CCND3: variants seen among roughly 807,000 people sequenced by gnomAD.
CCND3 encodes the protein G1/S-specific cyclin-D3.
In CCND3, 9 loss-of-function variants were observed where a neutral mutation model predicts 28.7. The ratio of observed to expected loss-of-function variants is 0.31; its 90% CI spans 0.19 to 0.55. The LOEUF is 0.55. CCND3 is among the 20% of genes least tolerant of loss of function. The probability of loss-of-function intolerance (pLI) is 0.93; values close to 1 mark genes in which losing one functional copy is unlikely to be tolerated. For missense variants in CCND3, 315 were observed against 385.8 expected (o/e 0.82, Z 1.54); for synonymous variants, 164 against 163.9 (o/e 1.00, Z 0.00).
intron 1 of CCND3, among the ~76,000 whole-genome samples, chr6:41,956,309 A>ATAAAG (rs1171484539): frequency 6.6e-6 from 1 of 152,192 alleles, no homozygotes; most frequent in Non-Finnish European, 1.5e-5. Flanking sequence ...ATAAAATAAA[A>ATAAAG]TAAAATAAAT....
chr6:41,970,583 C>T (rs181155346), intron 1 of CCND3, among the ~76,000 whole-genome samples: 12 of 152,242 alleles, frequency 7.9e-5, no homozygotes, highest in African/African-American at 2.4e-4. Context: ...TTAACAACCT[C>T]ACTTCCTCTC....
intron 1 of CCND3, among the ~76,000 whole-genome samples, chr6:41,976,262 G>T (rs1005404803): frequency 4.6e-5 from 7 of 152,024 alleles, no homozygotes; most frequent in Non-Finnish European, 1.0e-4. Flanking sequence ...TGAGGCAGAA[G>T]AATCGCTTGA....
chr6:41,965,403 A>ACGCC (rs1017141143), intron 1 of CCND3, among the ~76,000 whole-genome samples: 21 of 152,006 alleles, frequency 1.4e-4, no homozygotes, highest in Non-Finnish European at 2.2e-4. Context: ...AGCCAGTAAG[A>ACGCC]CGCCCAGCTA....
intron 1 of CCND3, among the ~76,000 whole-genome samples, chr6:41,956,710 T>A (rs1776444845): frequency 6.6e-6 from 1 of 152,108 alleles, no homozygotes. Context: ...TTCTGGCCCT[T>A]AAGATAGCCC....
At chr6:42,001,560 T>C (rs1763013033) in intron 1 of CCND3, among the ~76,000 whole-genome samples, 1 of 152,022 alleles carries the variant, frequency 6.6e-6, no homozygotes, top group African/African-American at 2.4e-5. Flanking sequence ...TAAACTCTGG[T>C]GATAAAAAAG....
At chr6:41,993,610 G>A (rs1441891770) in intron 1 of CCND3, among the ~76,000 whole-genome samples, 1 of 151,498 alleles carries the variant, frequency 6.6e-6, no homozygotes, top group Non-Finnish European at 1.5e-5. Flanking sequence ...GGGGTTTCAC[G>A]ATTTGGCCAG....
chr6:42,031,936 C>A (rs372662500), intron 1 of CCND3, among the ~76,000 whole-genome samples: 3 of 151,562 alleles, frequency 2.0e-5, no homozygotes, highest in Non-Finnish European at 4.4e-5. Context: ...ATTACAGGCA[C>A]GCATCATCAC....
At chr6:41,997,822 G>C (rs1762854639) in intron 1 of CCND3, among the ~76,000 whole-genome samples, 1 of 151,788 alleles carries the variant, frequency 6.6e-6, no homozygotes, top group South Asian at 2.1e-4. Context: ...TCATCTCTAA[G>C]GTCCATTCCC....
intron 1 of CCND3, among the ~76,000 whole-genome samples, chr6:42,027,834 G>A (rs1259965995): frequency 2.6e-5 from 4 of 151,952 alleles, no homozygotes; most frequent in African/African-American, 7.3e-5. Flanking sequence ...GGCAACCTCC[G>A]CCTCCTGGGT....
intron 1 of CCND3, among the ~76,000 whole-genome samples, chr6:41,999,419 T>G (rs1172095795): frequency 6.6e-6 from 1 of 151,820 alleles, no homozygotes; most frequent in Non-Finnish European, 1.5e-5. Context: ...CGGCTAATTT[T>G]TGTATTTTCA....
At position 41,936,514 on chromosome 6, in the gene CCND3, T is replaced by A; in HGVS notation, c.711+45A>T. The A allele has an allele frequency of 6.2e-7, 1 of 1,609,310 alleles. No individual in the cohort carries two copies. The highest frequency in any genetic ancestry group is 8.5e-7 in the Non-Finnish European group (1 of 1,177,106). ...CTACTGGAGGCTCAGGGCATAGCAC[T>A]ACTTTATGAATGGAGAGGCTGCTGC... is the stretch of plus-strand genomic sequence containing the variant. On this transcript the variant is annotated intron_variant, in intron 4 of 4. Transcript: ENST00000372991. This position sits in a 1 kb window ranked among gnomAD's most constrained non-coding sequence, Gnocchi z 4.4.
intron 1 of CCND3, among the ~76,000 whole-genome samples, chr6:42,017,022 C>T (rs952933371): frequency 3.3e-5 from 5 of 152,182 alleles, no homozygotes; most frequent in African/African-American, 7.2e-5. Flanking sequence ...AGAGGAGTGA[C>T]GTCTGAAGGG....
At chr6:41,970,596 T>C (rs1423475326) in intron 1 of CCND3, among the ~76,000 whole-genome samples, 1 of 152,050 alleles carries the variant, frequency 6.6e-6, no homozygotes, top group African/African-American at 2.4e-5. Flanking sequence ...TTCCTCTCAA[T>C]CTCCCATCCC....
intron 1 of CCND3, chr6:42,018,402 C>G (rs1342745495): frequency 6.6e-6 from 1 of 151,872 alleles, no homozygotes; most frequent in African/African-American, 2.4e-5. Flanking sequence ...ACCGTGTTAG[C>G]CAGGAAAAAA....
chr6:41,994,101 G>A (rs1762730784), intron 1 of CCND3, among the ~76,000 whole-genome samples: 1 of 150,176 alleles, frequency 6.7e-6, no homozygotes. Flanking sequence ...ACAATGGACT[G>A]CATATATGAC....
chr6:41,940,705 TAGAG>T (rs906210637), intron 1 of CCND3, 120 bp from the exon 2 acceptor site: 6 of 778,830 alleles, frequency 7.7e-6, no homozygotes, highest in Middle Eastern at 2.3e-4. Context: ...GTAAGCTACT[TAGAG>T]AGACAAGGAC....
At chr6:41,955,511 A>G (rs1582104305) in intron 1 of CCND3, among the ~76,000 whole-genome samples, 1 of 102,554 alleles carries the variant, frequency 9.8e-6, no homozygotes, top group African/African-American at 2.7e-5. Flanking sequence ...CATTCATAAG[A>G]AAAAACTCTT....
intron 1 of CCND3, among the ~76,000 whole-genome samples, chr6:42,007,031 T>C (rs796296651): frequency 3.3e-5 from 5 of 152,238 alleles, no homozygotes; most frequent in African/African-American, 1.2e-4. Flanking sequence ...ATATAACTGG[T>C]GACATATTTC....
At chr6:42,014,713 C>G (rs10948003) in intron 1 of CCND3, among the ~76,000 whole-genome samples, 2 of 151,866 alleles carry the variant, frequency 1.3e-5, no homozygotes, top group Non-Finnish European at 2.9e-5. Flanking sequence ...GCCTGAGCCC[C>G]GAAGTTTGAG....
Sources: allele counts gnomAD v4.1 joint callset (sites outside exome capture counted in the v4.1 genomes callset), GRCh38; gene constraint gnomAD v4.1.1; non-coding constraint Gnocchi (gnomAD v3.1); transcripts MANE v1.5; gene names NCBI Gene and HGNC (gene_info 2026-07-23, HGNC 2026-07-21).